PROM1: variants seen among roughly 807,000 people sequenced by gnomAD.
PROM1 encodes the protein prominin 1.
PROM1 carries 105 observed loss-of-function variants against 116.9 expected under a neutral mutation model. That is an observed-to-expected ratio of 0.90 (90% CI 0.77 to 1.06). PROM1 has a LOEUF of 1.06. Ranked by LOEUF, PROM1 falls within the 50% of genes least tolerant of loss-of-function variation. PROM1 has a pLI of 0.00. For missense variants in PROM1, 1,122 were observed against 1,045.2 expected (o/e 1.07, Z -1.01); for synonymous variants, 393 against 387.0 (o/e 1.02, Z -0.18).
At chr4:15,974,114 CTCTT>C (rs1293253764) in intron 26 of PROM1, among the ~76,000 whole-genome samples, 18 of 82,958 alleles carry the variant, frequency 2.2e-4, no homozygotes, top group East Asian at 7.1e-4. Context: ...CACACTCTCT[CTCTT>C]TCTCTCTCTC....
intron 8 of PROM1, among the ~76,000 whole-genome samples, chr4:16,021,311 A>G (rs1729810425): frequency 6.6e-6 from 1 of 152,244 alleles, no homozygotes; most frequent in Non-Finnish European, 1.5e-5. Flanking sequence ...AAAAATTGCA[A>G]GAACATTGGG....
intron 22 of PROM1, 118 bp from the exon 23 acceptor site, chr4:15,984,473 CA>C: frequency 1.5e-6 from 1 of 680,148 alleles, no homozygotes; most frequent in Non-Finnish European, 2.4e-6. Context: ...TCCTCTAAGA[CA>C]GGGGTCCCCA....
chr4:16,073,207 T>C (rs1438649456), intron 2 of PROM1, among the ~76,000 whole-genome samples: 1 of 152,198 alleles, frequency 6.6e-6, no homozygotes, highest in Non-Finnish European at 1.5e-5. Context: ...AAAGGATATA[T>C]CTATGGGAGA....
chr4:16,078,636 T>C (rs1297592326), intron 1 of PROM1, among the ~76,000 whole-genome samples: 1 of 152,148 alleles, frequency 6.6e-6, no homozygotes, highest in Non-Finnish European at 1.5e-5. Context: ...ACATACTTAC[T>C]AACTTTCAAG....
At position 15,985,815 on chromosome 4, in the gene PROM1, T is replaced by C. The variant is rs1484373206; in HGVS notation, c.2225A>G (p.Tyr742Cys). The change falls in exon 22 of 28, where the codon TAT becomes TGT. Residue 742 changes from tyrosine (Y) to cysteine (C), a missense_variant. Transcript: ENST00000447510. Reference protein sequence around the residue: ...SSVIIEETKKYGRTIIGYFEH... With the variant: ...SSVIIEETKKCGRTIIGYFEH... ...AAAATATCCTATTATTGTTCTCCCA[T>C]ACTTCTTAGTTTCCTGGAAAGAAAC... 4 of 1,136,292 alleles carry C rather than the reference T, an allele frequency of 3.5e-6. No homozygotes were observed. Among genetic ancestry groups the C allele is most frequent in the Admixed American group, 6.0e-5 (2 of 33,224 alleles). The allele number at this position is 1,136,292 out of a possible 1,614,324, so 70.4% of individuals were successfully genotyped here. A position where few individuals can be genotyped will look rare whatever the true frequency, so the allele number is the denominator to read the frequency against.
At chr4:16,014,726 C>A (rs1727861506) in intron 10 of PROM1, among the ~76,000 whole-genome samples, 1 of 152,176 alleles carries the variant, frequency 6.6e-6, no homozygotes, top group Non-Finnish European at 1.5e-5. Context: ...TCCTAAAAGA[C>A]AGAGTTAAGA....
At position 16,058,930 on chromosome 4, in the gene PROM1, AG is replaced by A. The variant is rs145659245; in HGVS notation, c.220+16756del. 8.8e-3 allele frequency among the ~76,000 whole-genome samples: 1,341 copies of A among 152,314 alleles called. 40 individuals are homozygous for A. The highest frequency in any genetic ancestry group is 0.065 in the East Asian group (335 of 5,176). On this transcript the variant is annotated intron_variant, in intron 2 of 27. Coordinates refer to ENST00000447510, the MANE Select transcript of PROM1 (RefSeq NM_006017.3). ...CTCTGGAGCCTAGTCATGTTGCAGC[AG>A]GGAAGACACACCTGGAAAACAAGCA...
rs529889329 is a variant in PROM1, at chr4:16,065,545, C to G, written c.220+10142G>C. On this transcript the variant is annotated intron_variant, in intron 2 of 27. Transcript: ENST00000447510. ...ATTGTGGAGGTGGAGGTCTCCTCAGCTGAATGTCAGCTTTTTGAGAGCAAG... is the reference window on the plus strand; with the variant it reads ...ATTGTGGAGGTGGAGGTCTCCTCAGGTGAATGTCAGCTTTTTGAGAGCAAG... Among the ~76,000 whole-genome samples, 20 of 152,282 alleles carry G rather than the reference C, an allele frequency of 1.3e-4. No homozygotes were observed. In the South Asian group the frequency reaches 4.1e-3, roughly 32 times the overall value.
At chr4:16,048,908 C>T (rs1737191914) in intron 2 of PROM1, among the ~76,000 whole-genome samples, 1 of 152,168 alleles carries the variant, frequency 6.6e-6, no homozygotes, top group Admixed American at 6.5e-5. Context: ...ATTATCATTT[C>T]CAGTTCCTTT....
At chr4:15,970,158 C>G (rs1206258730) in intron 27 of PROM1, among the ~76,000 whole-genome samples, 2 of 149,776 alleles carry the variant, frequency 1.3e-5, no homozygotes, top group Admixed American at 1.3e-4. Flanking sequence ...AAAACACTTT[C>G]TTTTCTTTTC....
At chr4:16,060,716 C>T (rs1480570096) in intron 2 of PROM1, among the ~76,000 whole-genome samples, 2 of 152,158 alleles carry the variant, frequency 1.3e-5, no homozygotes, top group South Asian at 2.1e-4. Flanking sequence ...TCATTAATTA[C>T]CTCTGGAGAG....
chr4:16,038,436 T>C (rs1260822751), intron 3 of PROM1, among the ~76,000 whole-genome samples: 1 of 152,210 alleles, frequency 6.6e-6, no homozygotes, highest in Non-Finnish European at 1.5e-5. Context: ...GGAGTCTCAC[T>C]CTGTCACCCA....
chr4:15,980,606 ATTTTTTT>A (rs200645062), intron 23 of PROM1, 69 bp from the exon 24 acceptor site: 212,704 of 725,530 alleles, frequency 0.29, 11,453 homozygotes, highest in Middle Eastern at 0.33. Flanking sequence ...TGTTTGGGGG[ATTTTTTT>A]TTTTTTTTTT....
chr4:16,027,826 T>G (rs1731700790), intron 5 of PROM1, among the ~76,000 whole-genome samples: 2 of 152,200 alleles, frequency 1.3e-5, no homozygotes, highest in South Asian at 2.1e-4. Context: ...ACTGGCCGTA[T>G]GTCTAAGTGT....
rs143998754 is a variant in PROM1 at position 16,006,517 on chromosome 4, CAG to C, written c.1454+19_1454+20del. 5,576 of 1,569,196 alleles carry C rather than the reference CAG, an allele frequency of 3.6e-3. 216 individuals are homozygous for C. In the East Asian group the frequency reaches 0.096, roughly 27 times the overall value. ...CTCCTGCATTCCCACTCCCACATGACAGAGAGGAGCAGACACTCACACCATGA... is the reference window on the plus strand; with the variant it reads ...CTCCTGCATTCCCACTCCCACATGACAGAGGAGCAGACACTCACACCATGA... On this transcript the variant is annotated intron_variant, in intron 13 of 27. Transcript: ENST00000447510.
intron 8 of PROM1, 73 bp from the exon 9 acceptor site, chr4:16,018,613 A>G: frequency 7.3e-7 from 1 of 1,361,956 alleles, no homozygotes; most frequent in Non-Finnish European, 1.0e-6. Context: ...GTCTAAAGGG[A>G]CTTGGGATGG....
At chr4:16,022,486 A>G (rs1479479645) in intron 8 of PROM1, among the ~76,000 whole-genome samples, 1 of 152,228 alleles carries the variant, frequency 6.6e-6, no homozygotes, top group African/African-American at 2.4e-5. Context: ...CACGTCCTCC[A>G]GTTTCTGCAC....
chr4:16,004,876 T>TCCCTCCCC (rs1724910901), intron 13 of PROM1, among the ~76,000 whole-genome samples: 1 of 125,614 alleles, frequency 8.0e-6, no homozygotes, highest in Non-Finnish European at 1.7e-5. Flanking sequence ...TCTCTCCCTC[T>TCCCTCCCC]CTCTCTCTCT....
At chr4:16,020,784 C>T (rs966621939) in intron 8 of PROM1, among the ~76,000 whole-genome samples, 5 of 152,210 alleles carry the variant, frequency 3.3e-5, no homozygotes, top group South Asian at 2.1e-4. Context: ...TCATGTCACA[C>T]GGAGGACTCA....
Sources: gnomAD v4.1 joint callset for allele counts (sites outside exome capture counted in the v4.1 genomes callset) on GRCh38, gnomAD v4.1.1 for gene constraint, MANE v1.5 for transcripts, NCBI Gene and HGNC (gene_info 2026-07-23, HGNC 2026-07-21) for gene names.